KLF13: variants seen among roughly 807,000 people sequenced by gnomAD.
KLF13 encodes the protein Krueppel-like factor 13.
KLF13 carries 8 observed loss-of-function variants against 16.7 expected under a neutral mutation model. The observed-to-expected ratio is 0.48, with a 90% CI of 0.28 to 0.87. KLF13 has a LOEUF of 0.87. Among genes scored for constraint, KLF13 ranks in the 40% least tolerant of loss-of-function variants. The pLI is 0.10. For missense variants in KLF13, 447 were observed against 452.2 expected (o/e 0.99, Z 0.10); for synonymous variants, 245 against 208.4 (o/e 1.18, Z -1.51).
downstream of KLF13, among the ~76,000 whole-genome samples, chr15:31,381,165 C>CT (rs1207821447): frequency 7.4e-5 from 7 of 94,702 alleles, no homozygotes; most frequent in Non-Finnish European, 1.1e-4. Flanking sequence ...GTGCAAGACT[C>CT]TGTCTCAAAA....
intron 1 of KLF13, among the ~76,000 whole-genome samples, chr15:31,386,797 C>T (rs1047919731): frequency 1.3e-5 from 2 of 152,212 alleles, no homozygotes; most frequent in African/African-American, 4.8e-5. Context: ...AAAGCCAGTG[C>T]TAATTTACCA....
At chr15:31,415,132 C>G (rs566033708) in intron 1 of KLF13, among the ~76,000 whole-genome samples, 2 of 152,124 alleles carry the variant, frequency 1.3e-5, no homozygotes, top group African/African-American at 4.8e-5. Flanking sequence ...ACGTCCGCTC[C>G]CCTTTGCCTT....
chr15:31,435,331 A>G (rs1383971961), intron 1 of KLF13: 2 of 152,136 alleles, frequency 1.3e-5, no homozygotes, highest in Non-Finnish European at 2.9e-5. Context: ...GGTGTGTTTA[A>G]TCTCAAAACG....
intron 1 of KLF13, among the ~76,000 whole-genome samples, chr15:31,385,103 G>T (rs948332855): frequency 6.6e-6 from 1 of 152,174 alleles, no homozygotes. Flanking sequence ...ATAAGAAGGT[G>T]GTGGCCATCT....
rs142247140 is a variant in KLF13, at chr15:31,366,327, C to T, written c.578-5683C>T. ...TGCCCCTCCAGGCTTGACCCCAGCC[C>T]CCTTCCTCTCACCAAGTCTTCTCAC... On this transcript the variant is annotated intron_variant, in intron 1 of 1. Coordinates refer to ENST00000307145, the MANE Select transcript of KLF13 (RefSeq NM_015995.4). The T allele has an allele frequency of 6.6e-3, 1,010 of 152,702 alleles. 5 individuals carry two copies. The highest frequency in any genetic ancestry group is 8.4e-3 in the Non-Finnish European group (577 of 68,374). The allele number at this position is 152,702 out of a possible 1,614,324, so 9.5% of individuals were successfully genotyped here. A position where few individuals can be genotyped will look rare whatever the true frequency, so the allele number is the denominator to read the frequency against.
intron 1 of KLF13, among the ~76,000 whole-genome samples, chr15:31,422,767 G>C (rs1250052707): frequency 6.6e-6 from 1 of 152,128 alleles, no homozygotes; most frequent in Non-Finnish European, 1.5e-5. Flanking sequence ...GGGCGCAGTG[G>C]CTCAGGCCTA....
chr15:31,337,376 G>A (rs1464076947), intron 1 of KLF13, among the ~76,000 whole-genome samples: 1 of 152,238 alleles, frequency 6.6e-6, no homozygotes, highest in South Asian at 2.1e-4. Flanking sequence ...AGGGGCTCTG[G>A]CCCCTTGCAG....
intron 1 of KLF13, among the ~76,000 whole-genome samples, chr15:31,329,109 T>C (rs2038779236): frequency 6.6e-6 from 1 of 151,776 alleles, no homozygotes; most frequent in Non-Finnish European, 1.5e-5. Flanking sequence ...GGGAGGCTTT[T>C]GTGGCCGCTC....
chr15:31,327,551 G>C lies in KLF13; in HGVS notation c.339G>C (p.Ala113=), dbSNP rs2140924782. ...CCACCTCCCCCGGCGCCGAAGGCGC[G>C]GCGGCCGCGCCCCCCAGCCCGGCGT... ...PEPTSPGAEG[A]AAAPPSPAWS... is the part of the protein sequence containing the mutation. The change falls in exon 1 of 2, where the codon GCG becomes GCC. Residue 113 remains alanine, a synonymous_variant. Coordinates refer to ENST00000307145, the MANE Select transcript of KLF13 (RefSeq NM_015995.4). 9.0e-7 allele frequency: 1 copy of C among 1,112,804 alleles called. No individual in the cohort carries two copies. Among genetic ancestry groups the C allele is most frequent in the Non-Finnish European group, 1.1e-6 (1 of 910,806 alleles). The allele number at this position is 1,112,804 out of a possible 1,614,324, so 68.9% of individuals were successfully genotyped here.
rs2039589666 is a variant in KLF13 at position 31,373,447 on chromosome 15, A to C, written c.*1148A>C. ...AGAGCGCGCATTCTATTTCCTCCGCAGGGAATGCCAGATAGAAAGTTGCGG... is the reference window on the plus strand; with the variant it reads ...AGAGCGCGCATTCTATTTCCTCCGCCGGGAATGCCAGATAGAAAGTTGCGG... On this transcript the variant is annotated 3_prime_UTR_variant, in exon 2 of 2. Coordinates refer to ENST00000307145, the MANE Select transcript of KLF13 (RefSeq NM_015995.4). 1 of 152,262 alleles carries C rather than the reference A, an allele frequency of 6.6e-6. No individual in the cohort carries two copies. The highest frequency in any genetic ancestry group is 2.1e-4 in the South Asian group (1 of 4,836). 9.4% of individuals were successfully genotyped at this position (152,262 alleles called of 1,614,324 possible).
At chr15:31,417,981 A>G (rs2040275153) in intron 1 of KLF13, among the ~76,000 whole-genome samples, 1 of 152,202 alleles carries the variant, frequency 6.6e-6, no homozygotes, top group Admixed American at 6.5e-5. Flanking sequence ...GTGCACATTC[A>G]ACACACAAGG....
intron 1 of KLF13, among the ~76,000 whole-genome samples, chr15:31,342,886 G>A (rs1260158624): frequency 2.6e-5 from 4 of 152,156 alleles, no homozygotes; most frequent in Admixed American, 1.3e-4. Flanking sequence ...GTATAGAGGC[G>A]CTTCCTGTGG....
At chr15:31,341,921 G>A (rs932288578) in intron 1 of KLF13, among the ~76,000 whole-genome samples, 1 of 152,200 alleles carries the variant, frequency 6.6e-6, no homozygotes, top group African/African-American at 2.4e-5. Flanking sequence ...GCTTCTGTGA[G>A]CATCCTGTTG....
Position 31,375,132 on chromosome 15 carries a change from C to T in KLF13, c.*2833C>T, listed in dbSNP as rs1193819042. 1.3e-5 allele frequency: 2 copies of T among 152,458 alleles called. No individual in the cohort carries two copies. The allele number at this position is 152,458 out of a possible 1,614,324, so 9.4% of individuals were successfully genotyped here. On this transcript the variant is annotated 3_prime_UTR_variant, in exon 2 of 2. Coordinates refer to ENST00000307145, the MANE Select transcript of KLF13 (RefSeq NM_015995.4). ...GAGAAATCCTCCTGGGTACTCCTGG[C>T]CAGACCCTCCTGAATCATCTGCGGC...
Position 31,327,609 on chromosome 15 carries a change from C to G in KLF13, c.397C>G (p.Pro133Ala). 2 of 1,317,440 alleles carry G rather than the reference C, an allele frequency of 1.5e-6. No homozygotes were observed. The highest frequency in any genetic ancestry group is 3.4e-5 in the East Asian group (1 of 29,750). 81.6% of individuals were successfully genotyped at this position (1,317,440 alleles called of 1,614,324 possible). ...GCCGGAGCCCGAGGCGGGGCTGGAG[C>G]CCGAGCGGGAGCCGGGGCCCGCGGG... is the stretch of plus-strand genomic sequence containing the variant. The part of the protein sequence containing the change: ...SEPEPEAGLE[P>A]EREPGPAGSG... Residue 133 changes from proline (P) to alanine (A), a missense_variant, in exon 1 of 2, where the codon CCC becomes GCC. Physicochemically the swap from Pro to Ala is conservative, Grantham distance 27 (BLOSUM62 -1). Transcript: ENST00000307145.
chr15:31,412,500 A>G (rs913395730), intron 1 of KLF13, among the ~76,000 whole-genome samples: 1 of 152,240 alleles, frequency 6.6e-6, no homozygotes, highest in African/African-American at 2.4e-5. Context: ...TCTAGAATTA[A>G]TAAAAGAGTT....
rs1292255769 is a variant in KLF13 at position 31,327,583 on chromosome 15, A to G, written c.371A>G (p.Glu124Gly). Residue 124 changes from glutamate (E) to glycine (G), a missense_variant, in exon 1 of 2, where the codon GAG becomes GGG. Glu to Gly is a moderately conservative substitution (Grantham distance 98). Coordinates refer to ENST00000307145, the MANE Select transcript of KLF13 (RefSeq NM_015995.4). Reference protein sequence around the residue: ...AAAPPSPAWSEPEPEAGLEPE... With the variant: ...AAAPPSPAWSGPEPEAGLEPE... ...GCGCCCCCCAGCCCGGCGTGGAGCGAGCCGGAGCCCGAGGCGGGGCTGGAG... is the reference window on the plus strand; with the variant it reads ...GCGCCCCCCAGCCCGGCGTGGAGCGGGCCGGAGCCCGAGGCGGGGCTGGAG... The G allele has an allele frequency of 8.3e-7, 1 of 1,209,570 alleles. No homozygotes were observed. The highest frequency in any genetic ancestry group is 1.0e-6 in the Non-Finnish European group (1 of 964,270). 74.9% of individuals were successfully genotyped at this position (1,209,570 alleles called of 1,614,324 possible).
At chr15:31,352,538 G>C (rs55852100) in intron 1 of KLF13, among the ~76,000 whole-genome samples, 3,043 of 152,312 alleles carry the variant, frequency 0.02, 101 homozygotes, top group African/African-American at 0.069. Flanking sequence ...GTCTGTATGT[G>C]GTGCCACTTG....
Position 31,372,406 on chromosome 15 carries a change from A to T in KLF13, c.*107A>T. 8.0e-7 allele frequency: 1 copy of T among 1,253,354 alleles called. No individual in the cohort carries two copies. Among genetic ancestry groups the T allele is most frequent in the Non-Finnish European group, 1.0e-6 (1 of 970,608 alleles). The allele number at this position is 1,253,354 out of a possible 1,614,324, so 77.6% of individuals were successfully genotyped here. A position where few individuals can be genotyped will look rare whatever the true frequency, so the allele number is the denominator to read the frequency against. On this transcript the variant is annotated 3_prime_UTR_variant, in exon 2 of 2. Transcript: ENST00000307145. ...AACTTGATGCAAAGTCCACGAAAAA[A>T]CAATTTTTTTCACCTCAGGTGTCAA...
Sources: gnomAD v4.1 joint callset for allele counts (sites outside exome capture counted in the v4.1 genomes callset) on GRCh38, gnomAD v4.1.1 for gene constraint, MANE v1.5 for transcripts, NCBI Gene and HGNC (gene_info 2026-07-23, HGNC 2026-07-21) for gene names.